Variants in ZNF385D observed in about 807,000 individuals in gnomAD.
The protein encoded by ZNF385D is zinc finger protein 385D, also known as zinc finger protein 659.
A neutral mutation model predicts 35.8 loss-of-function variants in ZNF385D; 15 were observed. That is an observed-to-expected ratio of 0.42 (90% CI 0.28 to 0.64). ZNF385D has a LOEUF of 0.64. Among genes scored for constraint, ZNF385D ranks in the 30% least tolerant of loss-of-function variants. The probability of loss-of-function intolerance (pLI) is 0.23; values close to 1 mark genes in which losing one functional copy is unlikely to be tolerated. For missense variants in ZNF385D, 474 were observed against 494.6 expected, an observed-to-expected ratio of 0.96 and a Z score of 0.39; for synonymous variants, 212 against 186.8, an observed-to-expected ratio of 1.13 and a Z score of -1.10.
intron 2 of ZNF385D, among the ~76,000 whole-genome samples, chr3:22,330,718 A>G (rs915075163): frequency 6.6e-6 from 1 of 152,212 alleles, no homozygotes; most frequent in Admixed American, 6.5e-5. Flanking sequence ...TTTCTGTGGA[A>G]TAAGGCCAGG....
intron 3 of ZNF385D, among the ~76,000 whole-genome samples, chr3:22,153,717 G>A (rs1705411854): frequency 6.6e-6 from 1 of 152,038 alleles, no homozygotes; most frequent in African/African-American, 2.4e-5. Flanking sequence ...ACCCACCTCG[G>A]CCTCCCAAAG....
Position 22,020,239 on chromosome 3 carries a change from C to A in ZNF385D, c.325+148578G>T, listed in dbSNP as rs144025896. Among the ~76,000 whole-genome samples, 69 of 151,890 alleles carry A rather than the reference C, an allele frequency of 4.5e-4. No individual in the cohort carries two copies. In the East Asian group the frequency reaches 0.013, roughly 29 times the overall value. On this transcript the variant is annotated intron_variant, in intron 3 of 5. Transcript: ENST00000494108. ...TAATGACTGGGAGTTATAAACATAACAAGAATAGGAGCCAGCAAGGTCTCT... is the reference window on the plus strand; with the variant it reads ...TAATGACTGGGAGTTATAAACATAAAAAGAATAGGAGCCAGCAAGGTCTCT...
At chr3:21,797,065 G>A (rs2072186156) in intron 3 of ZNF385D, among the ~76,000 whole-genome samples, 2 of 152,116 alleles carry the variant, frequency 1.3e-5, no homozygotes, top group Middle Eastern at 3.2e-3. Context: ...AGAAAAATAA[G>A]TCAAGACGTA....
intron 3 of ZNF385D, among the ~76,000 whole-genome samples, chr3:22,037,492 T>C (rs1698404339): frequency 6.6e-6 from 1 of 152,148 alleles, no homozygotes; most frequent in Non-Finnish European, 1.5e-5. Flanking sequence ...ACGTGTCTGT[T>C]GGCTGCATAA....
intron 1 of ZNF385D, among the ~76,000 whole-genome samples, chr3:21,667,643 T>A (rs550096416): frequency 6.6e-6 from 1 of 152,208 alleles, no homozygotes; most frequent in Non-Finnish European, 1.5e-5. Flanking sequence ...GAAAATACCA[T>A]GCTTATAATT....
At chr3:21,961,553 A>G (rs73048120) in intron 3 of ZNF385D, 1 of 152,252 alleles carries the variant, frequency 6.6e-6, no homozygotes, top group Non-Finnish European at 1.5e-5. Context: ...ATAGTGATAA[A>G]TAAATTTATT....
chr3:22,284,330 A>G (rs1178322344), intron 2 of ZNF385D, among the ~76,000 whole-genome samples: 1 of 152,090 alleles, frequency 6.6e-6, no homozygotes, highest in Non-Finnish European at 1.5e-5. Flanking sequence ...CTGGGATTAC[A>G]GGAACATGCC....
chr3:22,202,275 A>G (rs147855109), intron 2 of ZNF385D, among the ~76,000 whole-genome samples: 1 of 152,132 alleles, frequency 6.6e-6, no homozygotes, highest in African/African-American at 2.4e-5. Context: ...TGTTACTGAC[A>G]TTGTAAAAGG....
chr3:21,989,571 C>A (rs890465238), intron 3 of ZNF385D, among the ~76,000 whole-genome samples: 2 of 152,056 alleles, frequency 1.3e-5, no homozygotes, highest in African/African-American at 4.8e-5. Context: ...ATGAAATAGG[C>A]TTTAAATGTC....
At chr3:21,616,531 T>C (rs2064852008) in intron 2 of ZNF385D, among the ~76,000 whole-genome samples, 1 of 152,196 alleles carries the variant, frequency 6.6e-6, no homozygotes, top group South Asian at 2.1e-4. Flanking sequence ...AATACACTTT[T>C]ATTCCTGAAG....
intron 3 of ZNF385D, among the ~76,000 whole-genome samples, chr3:21,906,972 G>C (rs1338798110): frequency 6.6e-6 from 1 of 152,156 alleles, no homozygotes; most frequent in Non-Finnish European, 1.5e-5. Context: ...TAGCAGTGCA[G>C]TCAGACTCTT....
At chr3:22,369,732 A>C (rs1696814192) in intron 2 of ZNF385D, among the ~76,000 whole-genome samples, 1 of 152,194 alleles carries the variant, frequency 6.6e-6, no homozygotes, top group African/African-American at 2.4e-5. Flanking sequence ...ATCACTCTCA[A>C]AATAAAGTAT....
At chr3:21,996,670 A>T (rs184001903) in intron 3 of ZNF385D, among the ~76,000 whole-genome samples, 2 of 152,162 alleles carry the variant, frequency 1.3e-5, no homozygotes, top group African/African-American at 2.4e-5. Context: ...ACTTACATAC[A>T]TTTTTTTAAA....
chr3:22,244,499 A>T (rs917914578), intron 2 of ZNF385D, among the ~76,000 whole-genome samples: 2 of 150,914 alleles, frequency 1.3e-5, no homozygotes, highest in Admixed American at 6.6e-5. Flanking sequence ...ATAATATTCC[A>T]ATCAGAATGA....
At chr3:22,092,801 C>T (rs1474601199) in intron 3 of ZNF385D, among the ~76,000 whole-genome samples, 1 of 152,080 alleles carries the variant, frequency 6.6e-6, no homozygotes, top group Non-Finnish European at 1.5e-5. Context: ...ATACCTCTTA[C>T]AGTTTTGATA....
Position 21,487,619 on chromosome 3 carries a change from C to T in ZNF385D, c.439+23242G>A, listed in dbSNP as rs560732970. 1.5e-3 allele frequency among the ~76,000 whole-genome samples: 222 copies of T among 152,104 alleles called. 1 individual carries two copies. Among genetic ancestry groups the T allele is most frequent in the African/African-American group, 5.1e-3 (210 of 41,518 alleles). ...GAAAATTTGATTGAGGAATGAGAAT[C>T]AAACATACTTGCTGAAAATATAATA... is the stretch of plus-strand genomic sequence containing the variant. On this transcript the variant is annotated intron_variant, in intron 4 of 7. Coordinates refer to ENST00000281523, the MANE Select transcript of ZNF385D (RefSeq NM_024697.3).
chr3:21,849,697 C>T (rs541047188), intron 3 of ZNF385D: 2 of 150,016 alleles, frequency 1.3e-5, no homozygotes, highest in African/African-American at 4.9e-5. Context: ...TGCAGATGTC[C>T]TCAAAATTTT....
intron 1 of ZNF385D, among the ~76,000 whole-genome samples, chr3:21,692,624 C>G (rs6800607): frequency 0.57 from 87,195 of 152,130 alleles, 26,019 homozygotes; most frequent in Non-Finnish European, 0.66. Context: ...AGCTGCTGAT[C>G]ACACCCTTGC....
At chr3:21,637,727 T>A (rs2065488988) in intron 2 of ZNF385D, among the ~76,000 whole-genome samples, 1 of 151,968 alleles carries the variant, frequency 6.6e-6, no homozygotes, top group South Asian at 2.1e-4. Context: ...CTACAAGGAG[T>A]TCACTTGTTT....
Sources: gnomAD v4.1 joint callset for allele counts (sites outside exome capture counted in the v4.1 genomes callset) on GRCh38, gnomAD v4.1.1 for gene constraint, MANE v1.5 for transcripts, NCBI Gene and HGNC (gene_info 2026-07-23, HGNC 2026-07-21) for gene names.